The following PTPRA variants were observed in gnomAD, a reference collection of about 807,000 sequenced individuals.
The protein encoded by PTPRA is receptor-type tyrosine-protein phosphatase alpha.
A neutral mutation model predicts 104.8 loss-of-function variants in PTPRA; 25 were observed. The observed-to-expected ratio is 0.24, with a 90% CI of 0.17 to 0.33. The LOEUF (loss-of-function observed/expected upper bound fraction) is 0.33. Ranked by LOEUF, PTPRA falls within the 10% of genes least tolerant of loss-of-function variation. The probability of loss-of-function intolerance (pLI) is 1.00; values close to 1 mark genes in which losing one functional copy is unlikely to be tolerated. For synonymous variants in PTPRA, 323 were observed against 368.9 expected (o/e 0.88, Z 1.43); for missense variants, 765 against 1,015.3 (o/e 0.75, Z 3.35).
At chr20:2,899,303 G>C (rs1183513887) in intron 1 of PTPRA, among the ~76,000 whole-genome samples, 1 of 152,186 alleles carries the variant, frequency 6.6e-6, no homozygotes, top group Non-Finnish European at 1.5e-5. Context: ...TTATAGGTAT[G>C]AATGACACAG....
intron 3 of PTPRA, among the ~76,000 whole-genome samples, chr20:2,954,544 A>G (rs2061468207): frequency 6.6e-6 from 1 of 152,270 alleles, no homozygotes; most frequent in East Asian, 1.9e-4. Flanking sequence ...TTTAAAAATT[A>G]GGTTGTTTTT....
chr20:2,922,039 CCTG>C (rs1167624040), intron 1 of PTPRA, among the ~76,000 whole-genome samples: 1 of 152,156 alleles, frequency 6.6e-6, no homozygotes, highest in Non-Finnish European at 1.5e-5. Context: ...GCCCAGCCTC[CCTG>C]CTATTAGTTG....
At chr20:2,935,521 TA>T (rs1018236491) in intron 2 of PTPRA, among the ~76,000 whole-genome samples, 13 of 152,200 alleles carry the variant, frequency 8.5e-5, no homozygotes, top group African/African-American at 3.1e-4. Flanking sequence ...ATATATCCAA[TA>T]GGGGGAATTA....
intron 11 of PTPRA, among the ~76,000 whole-genome samples, chr20:3,008,786 G>C (rs1040648169): frequency 6.7e-6 from 1 of 149,986 alleles, no homozygotes; most frequent in South Asian, 2.2e-4. Context: ...GGTGGCAGGC[G>C]CCTGTAATCC....
chr20:3,036,774 A>T (rs1027678841), intron 22 of PTPRA, among the ~76,000 whole-genome samples: 26 of 152,258 alleles, frequency 1.7e-4, no homozygotes, highest in African/African-American at 5.1e-4. Flanking sequence ...ATCAGCAGAT[A>T]CACACCAGTG....
At chr20:3,032,382 A>G (rs762385651) in intron 20 of PTPRA, among the ~76,000 whole-genome samples, 1 of 152,046 alleles carries the variant, frequency 6.6e-6, no homozygotes, top group Admixed American at 6.5e-5. Flanking sequence ...TACATTTCCT[A>G]TCTTTTAAAA....
At chr20:2,924,431 C>T (rs2060219064) in intron 2 of PTPRA, among the ~76,000 whole-genome samples, 3 of 152,028 alleles carry the variant, frequency 2.0e-5, no homozygotes, top group African/African-American at 7.2e-5. Flanking sequence ...TTGACATACA[C>T]TATTGATAAC....
intron 12 of PTPRA, among the ~76,000 whole-genome samples, 186 bp downstream of exon 12, chr20:3,016,071 TA>T (rs2064431936): frequency 1.3e-5 from 2 of 152,250 alleles, no homozygotes; most frequent in Non-Finnish European, 2.9e-5. Context: ...GATGACTTAG[TA>T]TCCAGGGATC....
upstream of PTPRA, among the ~76,000 whole-genome samples, chr20:2,871,099 T>A (rs1192865705): frequency 6.6e-6 from 1 of 152,180 alleles, no homozygotes; most frequent in Non-Finnish European, 1.5e-5. Flanking sequence ...AGCTGAACCC[T>A]CCTTCCCAGG....
rs2065777421 is a variant in PTPRA, at chr20:3,035,903, G to A, written c.2160G>A (p.Gln720=). ...TCATCGCCGCCGTGCAGAAGCAGCA[G>A]CAGCAGTCAGGGAACCACCCCATCA... ...ISIIAAVQKQ[Q]QQSGNHPITV... Residue 720 remains glutamine (Q), a synonymous_variant, in exon 22 of 24, where the codon CAG becomes CAA. Coordinates refer to ENST00000399903, the MANE Select transcript of PTPRA (RefSeq NM_001385305.1). This position sits in a 1 kb window ranked among gnomAD's most constrained non-coding sequence, Gnocchi z 5.8. 3.1e-6 allele frequency: 5 copies of A among 1,613,956 alleles called. No individual in the cohort carries two copies. In the East Asian group the frequency reaches 6.7e-5, roughly 22 times the overall value.
intron 1 of PTPRA, among the ~76,000 whole-genome samples, chr20:2,901,510 A>G (rs2147109308): frequency 6.6e-6 from 1 of 152,336 alleles, no homozygotes; most frequent in East Asian, 1.9e-4. Context: ...CTGGTTTAAG[A>G]AAACCTGGGA....
intron 1 of PTPRA, among the ~76,000 whole-genome samples, chr20:2,883,345 C>G (rs2090172957): frequency 6.6e-6 from 1 of 152,250 alleles, no homozygotes; most frequent in South Asian, 2.1e-4. Flanking sequence ...AAAGGAACTA[C>G]TTCTTTTCTT....
In PTPRA at chr20:2,982,698, A is replaced by AAT. The variant is rs1555808564; in HGVS notation, c.443-4067_443-4066insAT. Among the ~76,000 whole-genome samples, 27 of 147,870 alleles carry AAT rather than the reference A, an allele frequency of 1.8e-4. 1 individual carries two copies. Among genetic ancestry groups the AAT allele is most frequent in the Admixed American group, 1.2e-3 (18 of 14,796 alleles). On this transcript the variant is annotated intron_variant, in intron 6 of 23. Transcript: ENST00000399903. ...AAAAATAGTATAGGAAATAACAGCA[A>AAT]TTTTTTTTTTTTTTTTGAGACAGAG...
intron 2 of PTPRA, among the ~76,000 whole-genome samples, chr20:2,944,691 A>G (rs2061058458): frequency 6.6e-6 from 1 of 152,256 alleles, no homozygotes; most frequent in Non-Finnish European, 1.5e-5. Context: ...AGGCATGTGT[A>G]CAAGGATGGG....
At chr20:2,980,799 C>T (rs1482045338) in intron 6 of PTPRA, among the ~76,000 whole-genome samples, 1 of 152,124 alleles carries the variant, frequency 6.6e-6, no homozygotes, top group East Asian at 1.9e-4. Flanking sequence ...CCTCCATTTC[C>T]CAGGGCTACT....
chr20:2,963,910 C>T (rs115573325), intron 3 of PTPRA, among the ~76,000 whole-genome samples: 511 of 152,160 alleles, frequency 3.4e-3, no homozygotes, highest in African/African-American at 0.012. Flanking sequence ...CATCGTAGTA[C>T]ATGCCTATAG....
At chr20:2,954,682 C>G (rs987065230) in intron 3 of PTPRA, among the ~76,000 whole-genome samples, 1 of 152,166 alleles carries the variant, frequency 6.6e-6, no homozygotes, top group Non-Finnish European at 1.5e-5. Flanking sequence ...CCTTGATTCA[C>G]AGAAGTTTTT....
intron 1 of PTPRA, among the ~76,000 whole-genome samples, chr20:2,918,686 C>T (rs983781851): frequency 6.6e-6 from 1 of 152,194 alleles, no homozygotes; most frequent in Admixed American, 6.5e-5. Context: ...GAATATATGA[C>T]GGTTATACAT....
intron 5 of PTPRA, among the ~76,000 whole-genome samples, chr20:2,967,245 T>G (rs917215886): frequency 6.6e-6 from 1 of 152,182 alleles, no homozygotes; most frequent in African/African-American, 2.4e-5. Context: ...GCTAAGAATC[T>G]AGTTATTGTA....
Sources: gnomAD v4.1 joint callset for allele counts (sites outside exome capture counted in the v4.1 genomes callset) on GRCh38, gnomAD v4.1.1 for gene constraint, Gnocchi (gnomAD v3.1) non-coding constraint, MANE v1.5 for transcripts, NCBI Gene and HGNC (gene_info 2026-07-23, HGNC 2026-07-21) for gene names.